TENM2: variants seen among roughly 807,000 people sequenced by gnomAD.
The protein encoded by TENM2 is teneurin transmembrane protein 2, also known as teneurin-2.
Under a neutral mutation model 245.2 loss-of-function variants are expected in TENM2, and 52 were observed. The observed-to-expected ratio is 0.21, with a 90% CI of 0.17 to 0.27. The LOEUF (loss-of-function observed/expected upper bound fraction) is 0.27, where lower values mean the gene tolerates loss of function less well. Ranked by LOEUF, TENM2 falls within the 10% of genes least tolerant of loss-of-function variation. The probability of loss-of-function intolerance (pLI) is 1.00; values close to 1 mark genes in which losing one functional copy is unlikely to be tolerated. For missense variants in TENM2, 3,046 were observed against 3,666.8 expected, an observed-to-expected ratio of 0.83 and a Z score of 4.37; for synonymous variants, 1,363 against 1,438.9, an observed-to-expected ratio of 0.95 and a Z score of 1.19.
rs913265544 is a variant in TENM2 at position 167,526,925 on chromosome 5, G to A, written c.502+151452G>A. On this transcript the variant is annotated intron_variant, in intron 2 of 28. Coordinates refer to ENST00000518659, the Ensembl canonical transcript of TENM2. ...TATTCGTAGGTATATTTCTGAGGGCGTATGCTGTACCCTTATCTGACCCAC... is the reference window on the plus strand; with the variant it reads ...TATTCGTAGGTATATTTCTGAGGGCATATGCTGTACCCTTATCTGACCCAC... Among the ~76,000 whole-genome samples, 46 of 152,172 alleles carry A rather than the reference G, an allele frequency of 3.0e-4. No individual in the cohort carries two copies. The South Asian group carries it at 3.3e-3, about 11-fold the overall frequency.
intron 13 of TENM2, among the ~76,000 whole-genome samples, chr5:168,188,774 G>T (rs1760698069): frequency 6.6e-6 from 1 of 152,144 alleles, no homozygotes. Context: ...TCCAGGGCCT[G>T]CTCCTGGAGG....
chr5:167,240,471 AG>A, the TENM2 span, among the ~76,000 whole-genome samples: 7 of 152,182 alleles, frequency 4.6e-5, no homozygotes, highest in African/African-American at 7.2e-5. Flanking sequence ...AGTTAAAAAA[AG>A]GTTTCCACTA....
intron 1 of TENM2, among the ~76,000 whole-genome samples, chr5:167,332,888 A>T (rs1351955362): frequency 6.6e-6 from 1 of 152,198 alleles, no homozygotes; most frequent in Non-Finnish European, 1.5e-5. Context: ...GGAAGAGAAG[A>T]TACTGGCTAT....
At chr5:168,063,868 G>T (rs1790268984) in intron 7 of TENM2, among the ~76,000 whole-genome samples, 1 of 152,044 alleles carries the variant, frequency 6.6e-6, no homozygotes, top group Admixed American at 6.6e-5. Flanking sequence ...TCTTTTTTGA[G>T]CAGGGAGAGC....
chr5:167,293,153 G>C (rs1271742001), intron 1 of TENM2, among the ~76,000 whole-genome samples: 2 of 152,130 alleles, frequency 1.3e-5, no homozygotes, highest in African/African-American at 4.8e-5. Context: ...TAGGATAGCA[G>C]AGATTGTTTG....
intron 2 of TENM2, among the ~76,000 whole-genome samples, chr5:167,856,186 A>G (rs1771083335): frequency 6.6e-6 from 1 of 152,120 alleles, no homozygotes; most frequent in Non-Finnish European, 1.5e-5. Flanking sequence ...AATAAGTGGG[A>G]ACACAGAGGC....
intron 6 of TENM2, among the ~76,000 whole-genome samples, chr5:168,049,896 C>T (rs968957065): frequency 2.6e-5 from 4 of 152,088 alleles, no homozygotes; most frequent in Admixed American, 6.5e-5. Context: ...TCCACCTCCC[C>T]GGTTCAAGCA....
At chr5:167,972,207 A>G (rs1214391778) in intron 4 of TENM2, among the ~76,000 whole-genome samples, 2 of 152,226 alleles carry the variant, frequency 1.3e-5, no homozygotes, top group Non-Finnish European at 2.9e-5. Context: ...CTGCTTTTCA[A>G]TTTCCATTTT....
At chr5:167,252,557 G>C in the TENM2 span, among the ~76,000 whole-genome samples, 1 of 152,100 alleles carries the variant, frequency 6.6e-6, no homozygotes, top group Non-Finnish European at 1.5e-5. Context: ...ACACACAGAA[G>C]CATCTAAGAG....
chr5:167,272,123 A>G, the TENM2 span, among the ~76,000 whole-genome samples: 1 of 152,264 alleles, frequency 6.6e-6, no homozygotes, highest in East Asian at 1.9e-4. Flanking sequence ...GGATGGAAGG[A>G]GGCAGACAGA....
intron 2 of TENM2, among the ~76,000 whole-genome samples, chr5:167,713,577 C>A (rs1759051638): frequency 6.6e-6 from 1 of 152,188 alleles, no homozygotes; most frequent in Non-Finnish European, 1.5e-5. Context: ...CCCACCACCA[C>A]ATTCATGTGC....
chr5:168,054,288 G>T (rs1172062237), intron 6 of TENM2, among the ~76,000 whole-genome samples: 1 of 152,192 alleles, frequency 6.6e-6, no homozygotes, highest in Non-Finnish European at 1.5e-5. Context: ...CCAGCAGCAG[G>T]GTGAAGGCTG....
chr5:168,079,306 C>T (rs1791766473), intron 7 of TENM2, among the ~76,000 whole-genome samples: 2 of 152,076 alleles, frequency 1.3e-5, no homozygotes. Flanking sequence ...GCTGAAGTTG[C>T]TTATCAGCTT....
intron 2 of TENM2, among the ~76,000 whole-genome samples, chr5:167,676,685 T>C (rs1309037052): frequency 2.6e-5 from 4 of 151,936 alleles, no homozygotes; most frequent in African/African-American, 7.3e-5. Context: ...TTTGGGATGA[T>C]AGTTTTTATG....
intron 3 of TENM2, among the ~76,000 whole-genome samples, chr5:167,924,477 A>G (rs1201361009): frequency 2.0e-5 from 3 of 152,224 alleles, no homozygotes; most frequent in African/African-American, 2.4e-5. Flanking sequence ...CTCTCCAGGC[A>G]ATAGCTTTAA....
chr5:168,211,792 G>T, intron 20 of TENM2, 38 bp downstream of exon 22: 3 of 1,283,024 alleles, frequency 2.3e-6, no homozygotes, highest in South Asian at 1.4e-5. Flanking sequence ...ATTTGATATG[G>T]TTCGTTTGCT....
At chr5:167,957,315 G>A (rs991620604) in intron 4 of TENM2, among the ~76,000 whole-genome samples, 14 of 152,182 alleles carry the variant, frequency 9.2e-5, no homozygotes, top group African/African-American at 3.4e-4. Context: ...GGGATCAGTG[G>A]TGATATCCCC....
At chr5:168,140,570 C>T (rs1755454444) in intron 12 of TENM2, among the ~76,000 whole-genome samples, 1 of 152,194 alleles carries the variant, frequency 6.6e-6, no homozygotes, top group South Asian at 2.1e-4. Flanking sequence ...GCCCACCTGA[C>T]TTCTTAGCAT....
intron 2 of TENM2, among the ~76,000 whole-genome samples, chr5:167,515,650 C>CATATAT (rs1392688070): frequency 2.3e-5 from 3 of 128,058 alleles, no homozygotes; most frequent in Non-Finnish European, 4.9e-5. Flanking sequence ...TATATATATA[C>CATATAT]ACATATATAC....
Sources: allele counts gnomAD v4.1 joint callset (sites outside exome capture counted in the v4.1 genomes callset), GRCh38; gene constraint gnomAD v4.1.1; transcripts MANE v1.5; gene names NCBI Gene and HGNC (gene_info 2026-07-23, HGNC 2026-07-21).